The following SYNE1 variants were observed in gnomAD, a reference collection of about 807,000 sequenced individuals.
The protein encoded by SYNE1 is nesprin-1.
In SYNE1, 616 loss-of-function variants were observed where a neutral mutation model predicts 1,111.0. That is an observed-to-expected ratio of 0.55 (90% CI 0.52 to 0.59). SYNE1 has a LOEUF of 0.59. Ranked by LOEUF, SYNE1 falls within the 20% of genes least tolerant of loss-of-function variation. The pLI, the probability that SYNE1 is intolerant of heterozygous loss-of-function variation, is 0.00. For synonymous variants in SYNE1, 3,855 were observed against 3,825.8 expected (o/e 1.01, Z -0.28); for missense variants, 10,006 against 10,417.0 (o/e 0.96, Z 1.72).
At chr6:152,180,077 T>C in intron 129 of SYNE1, 59 bp downstream of exon 129, 2 of 1,587,314 alleles carry the variant, frequency 1.3e-6, no homozygotes, top group Admixed American at 1.7e-5. Context: ...TCTGTACCTG[T>C]GAAAAGTACA....
chr6:152,567,399 T>A (rs1452216762), intron 3 of SYNE1, among the ~76,000 whole-genome samples: 1 of 152,202 alleles, frequency 6.6e-6, no homozygotes. Context: ...TATTTTGTTT[T>A]CCTAACCTAC....
intron 50 of SYNE1, 70 bp downstream of exon 50, chr6:152,396,705 A>G: frequency 7.4e-7 from 1 of 1,350,294 alleles, no homozygotes; most frequent in East Asian, 2.3e-5. Context: ...TATTCACATG[A>G]CTCTTTTCTC....
Position 152,310,678 on chromosome 6 carries a change from C to CT in SYNE1, c.16896+9dup, listed in dbSNP as rs761957607. On this transcript the variant is annotated intron_variant, in intron 88 of 145. Coordinates refer to ENST00000367255, the MANE Select transcript of SYNE1 (RefSeq NM_182961.4). ...ATTTTTTTCTGTTTCTTTTTTTTTT[C>CT]TTTTTTTACCTTAGCTGCATCTTGG... 40 of 1,590,732 alleles carry CT rather than the reference C, an allele frequency of 2.5e-5. No individual in the cohort carries two copies. The highest frequency in any genetic ancestry group is 1.7e-4 in the Middle Eastern group (1 of 5,976).
chr6:152,381,435 A>C, intron 55 of SYNE1, 73 bp from the exon 56 acceptor site: 2 of 1,496,242 alleles, frequency 1.3e-6, no homozygotes, highest in Non-Finnish European at 1.8e-6. Context: ...AACTGTGTAC[A>C]CAGGGGGACC....
intron 141 of SYNE1, 118 bp from the exon 142 acceptor site, chr6:152,135,350 C>T: frequency 8.9e-7 from 1 of 1,127,842 alleles, no homozygotes; most frequent in South Asian, 1.4e-5. Flanking sequence ...ATACATGCAA[C>T]TCCTTTCTGA....
In SYNE1 at chr6:152,189,141, C is replaced by T. The variant is rs182057053; in HGVS notation, c.23301+111G>A. On this transcript the variant is annotated intron_variant, in intron 128 of 145. Coordinates refer to ENST00000367255, the MANE Select transcript of SYNE1 (RefSeq NM_182961.4). ...GTAACCACAGTGTTCTTCCTTTGTC[C>T]GTACTAAGAATTATGGGCCGGGTCC... The T allele has an allele frequency of 3.1e-4, 348 of 1,108,846 alleles. 1 individual carries two copies. Among genetic ancestry groups the T allele is most frequent in the East Asian group, 1.4e-3 (59 of 41,984 alleles). The allele number at this position is 1,108,846 out of a possible 1,614,324, so 68.7% of individuals were successfully genotyped here. A position where few individuals can be genotyped will look rare whatever the true frequency, so the allele number is the denominator to read the frequency against.
chr6:152,350,062 A>G (rs1303021880), intron 72 of SYNE1, 106 bp downstream of exon 72: 4 of 1,377,286 alleles, frequency 2.9e-6, no homozygotes, highest in Non-Finnish European at 4.1e-6. Context: ...TAAACCAGAG[A>G]TGCACCTGTG....
Position 152,148,382 on chromosome 6 carries a change from G to A in SYNE1, c.24643-4C>T. 6.2e-7 allele frequency: 1 copy of A among 1,612,938 alleles called. No homozygotes were observed. Among genetic ancestry groups the A allele is most frequent in the Non-Finnish European group, 8.5e-7 (1 of 1,179,660 alleles). On this transcript the variant is annotated splice_region_variant and splice_polypyrimidine_tract_variant and intron_variant, in intron 136 of 145. Coordinates refer to ENST00000367255, the MANE Select transcript of SYNE1 (RefSeq NM_182961.4). The surrounding 1 kb of genome is among the most constrained non-coding windows in gnomAD (Gnocchi z 4.1). ...GGTCGTGCTCATCGTCTGGGAGCTA[G>A]AAGGGAAGTCAAGGCAACCCTGTCA...
rs1018520634 is a variant in SYNE1, at chr6:152,225,825, G to C, written c.21247C>G (p.Gln7083Glu). 7 of 1,613,874 alleles carry C rather than the reference G, an allele frequency of 4.3e-6. No individual in the cohort carries two copies. Among genetic ancestry groups the C allele is most frequent in the Non-Finnish European group, 5.9e-6 (7 of 1,179,938 alleles). ...TTCTGAATCAAAGCAAGTCCATTCT[G>C]CTCAATTTTCTCTACTTCTTTTTCT... ...AKEKEVEKIE[Q>E]NGLALIQNKK... The change falls in exon 116 of 146, where the codon CAG becomes GAG. Residue 7083 changes from glutamine to glutamate, a missense_variant. Gln to Glu is a conservative substitution (Grantham distance 29). Transcript: ENST00000367255.
chr6:152,343,845 G>A (rs191899626), intron 74 of SYNE1, among the ~76,000 whole-genome samples: 52 of 152,298 alleles, frequency 3.4e-4, no homozygotes, highest in African/African-American at 1.2e-3. Flanking sequence ...TGGGATTGCA[G>A]GCATGAGCCA....
intron 104 of SYNE1, among the ~76,000 whole-genome samples, chr6:152,250,836 T>C (rs907094579): frequency 4.6e-5 from 7 of 152,190 alleles, no homozygotes; most frequent in Non-Finnish European, 7.3e-5. Flanking sequence ...TCTACATATG[T>C]GTGTATAGTG....
chr6:152,195,000 A>C (rs1356836583), intron 127 of SYNE1, among the ~76,000 whole-genome samples: 1 of 152,048 alleles, frequency 6.6e-6, no homozygotes, highest in East Asian at 1.9e-4. Context: ...AGCTCACTGC[A>C]ACCTCCACCT....
intron 82 of SYNE1, 97 bp downstream of exon 82, chr6:152,323,381 G>A (rs1029201014): frequency 1.2e-5 from 19 of 1,555,442 alleles, no homozygotes; most frequent in Non-Finnish European, 1.6e-5. Flanking sequence ...GGAGCTTGCA[G>A]TGAGCCGAGA....
In SYNE1 at chr6:152,124,221, G is replaced by A. The variant is rs563898415; in HGVS notation, c.26154-1545C>T. ...CTTGGGAGGCTGAGGCAGGAGAATC[G>A]CTTGAACCCGGGAGGCGGAGGCTGC... is the stretch of plus-strand genomic sequence containing the variant. On this transcript the variant is annotated intron_variant, in intron 145 of 145. Coordinates refer to ENST00000367255, the MANE Select transcript of SYNE1 (RefSeq NM_182961.4). 2.4e-3 allele frequency among the ~76,000 whole-genome samples: 367 copies of A among 152,234 alleles called. 1 individual carries two copies. Among genetic ancestry groups the A allele is most frequent in the Admixed American group, 9.3e-3 (142 of 15,286 alleles).
chr6:152,189,706 T>C (rs980063942), intron 127 of SYNE1, among the ~76,000 whole-genome samples: 4 of 152,220 alleles, frequency 2.6e-5, no homozygotes, highest in Admixed American at 6.5e-5. Context: ...AAAAAACCAA[T>C]GTACATACCT....
chr6:152,442,240 C>T lies in SYNE1; in HGVS notation c.3843G>A (p.Lys1281=). ...TCTTCTTTGCTGAGATCCGCTTTGT[C>T]TTTTGCTAGAAGCATTTATTCAACA... The part of the protein sequence containing the change: ...AQQLLLHHQQ[K]TKRISAKKRD... Residue 1281 remains lysine, a synonymous_variant, in exon 31 of 146, where the codon AAG becomes AAA. Coordinates refer to ENST00000367255, the MANE Select transcript of SYNE1 (RefSeq NM_182961.4). The T allele has an allele frequency of 6.2e-7, 1 of 1,612,782 alleles. No individual in the cohort carries two copies. The highest frequency in any genetic ancestry group is 8.5e-7 in the Non-Finnish European group (1 of 1,180,026).
In SYNE1 at chr6:152,476,995, T is replaced by C. The variant is rs570126531; in HGVS notation, c.1351-4582A>G. Among the ~76,000 whole-genome samples, 9 of 152,104 alleles carry C rather than the reference T, an allele frequency of 5.9e-5. No individual in the cohort carries two copies. In the South Asian group the frequency reaches 1.7e-3, roughly 28 times the overall value. On this transcript the variant is annotated intron_variant, in intron 14 of 145. Coordinates refer to ENST00000367255, the MANE Select transcript of SYNE1 (RefSeq NM_182961.4). ...AGTGAGGCAGTTCAAAGAAACAATA[T>C]TGGGGAAATATACATAGGCACAGAA... is the stretch of plus-strand genomic sequence containing the variant.
intron 66 of SYNE1, among the ~76,000 whole-genome samples, chr6:152,357,508 A>G (rs749478469): frequency 6.6e-6 from 1 of 151,998 alleles, no homozygotes; most frequent in Non-Finnish European, 1.5e-5. Flanking sequence ...GCCTTCCTCC[A>G]TCTTCTGCTG....
chr6:152,271,910 G>A lies in SYNE1; in HGVS notation c.18574-2624C>T, dbSNP rs529869413. ...AGCAAAAATTTGTTTTTCAGAGCCC[G>A]GCCTGAAGACTCCCTTGGAAAATTC... On this transcript the variant is annotated intron_variant, in intron 98 of 145. Transcript: ENST00000367255. Among the ~76,000 whole-genome samples the A allele has an allele frequency of 9.2e-5, 14 of 152,222 alleles. No homozygotes were observed. The East Asian group carries it at 2.3e-3, about 25-fold the overall frequency.
Sources: gnomAD v4.1 joint callset for allele counts (sites outside exome capture counted in the v4.1 genomes callset) on GRCh38, gnomAD v4.1.1 for gene constraint, Gnocchi (gnomAD v3.1) non-coding constraint, MANE v1.5 for transcripts, NCBI Gene and HGNC (gene_info 2026-07-23, HGNC 2026-07-21) for gene names.